Variants in DLGAP2 observed in about 807,000 individuals in gnomAD.
DLGAP2 encodes the protein DLG associated protein 2.
A neutral mutation model predicts 100.3 loss-of-function variants in DLGAP2; 26 were observed. That is an observed-to-expected ratio of 0.26 (90% CI 0.19 to 0.36). DLGAP2 has a LOEUF of 0.36. Ranked by LOEUF, DLGAP2 falls within the 10% of genes least tolerant of loss-of-function variation. The probability of loss-of-function intolerance (pLI) is 1.00; values close to 1 mark genes in which losing one functional copy is unlikely to be tolerated. For synonymous variants in DLGAP2, 886 were observed against 630.1 expected (o/e 1.41, Z -6.08); for missense variants, 1,858 against 1,453.2 (o/e 1.28, Z -4.53).
chr8:1,562,378 G>T lies in DLGAP2; in HGVS notation c.1231-3305G>T, dbSNP rs191340243. ...GGGTGTCCGCGCCTCGTTGCTGGGG[G>T]ACTGTGTGGTGTTCGGGTGTCCGCG... On this transcript the variant is annotated intron_variant, in intron 5 of 14. Coordinates refer to ENST00000637795, the MANE Select transcript of DLGAP2 (RefSeq NM_001346810.2). 2.5e-3 allele frequency among the ~76,000 whole-genome samples: 164 copies of T among 64,892 alleles called. 5 individuals carry two copies. The highest frequency in any genetic ancestry group is 0.01 in the African/African-American group (154 of 15,162). 42.6% of individuals were successfully genotyped at this position (64,892 alleles called of 152,430 possible).
intron 3 of DLGAP2, among the ~76,000 whole-genome samples, chr8:1,414,471 AC>A (rs1796822653): frequency 6.6e-6 from 1 of 152,212 alleles, no homozygotes; most frequent in South Asian, 2.1e-4. Context: ...TGAGGGACTG[AC>A]CAGGCCGGGG....
At chr8:1,206,671 G>C (rs1798001650) in intron 2 of DLGAP2, among the ~76,000 whole-genome samples, 1 of 152,230 alleles carries the variant, frequency 6.6e-6, no homozygotes, top group Admixed American at 6.5e-5. Flanking sequence ...GGTAGACTGT[G>C]AGTGATTAAT....
At chr8:972,608 AT>A (rs1554456162) in intron 2 of DLGAP2, among the ~76,000 whole-genome samples, 2 of 149,214 alleles carry the variant, frequency 1.3e-5, no homozygotes, top group African/African-American at 2.5e-5. Context: ...TTTTTTTTGT[AT>A]TTTTTTCTTA....
At chr8:931,474 C>G (rs1019642923) in intron 2 of DLGAP2, among the ~76,000 whole-genome samples, 1 of 152,230 alleles carries the variant, frequency 6.6e-6, no homozygotes, top group Admixed American at 6.5e-5. Context: ...ACCCTGGGAT[C>G]TGGGATTCCT....
chr8:1,071,494 G>T (rs191761262), intron 2 of DLGAP2, among the ~76,000 whole-genome samples: 45 of 152,238 alleles, frequency 3.0e-4, no homozygotes, highest in Admixed American at 1.2e-3. Flanking sequence ...TTGCTCCTGG[G>T]CGTCCCGGTG....
intron 2 of DLGAP2, among the ~76,000 whole-genome samples, chr8:1,075,055 G>T (rs1203614940): frequency 6.6e-6 from 1 of 152,112 alleles, no homozygotes; most frequent in Non-Finnish European, 1.5e-5. Context: ...ACAGTGCAGC[G>T]GGGGGTGGGG....
intron 1 of DLGAP2, among the ~76,000 whole-genome samples, chr8:834,259 C>T (rs1167450707): frequency 1.3e-5 from 2 of 152,218 alleles, no homozygotes; most frequent in African/African-American, 2.4e-5. Flanking sequence ...CGCCCCTGCC[C>T]CTCACGTGGG....
chr8:1,446,895 C>T (rs1426707076), intron 3 of DLGAP2, among the ~76,000 whole-genome samples: 31 of 152,098 alleles, frequency 2.0e-4, no homozygotes, highest in East Asian at 1.4e-3. Context: ...TCTCTGTTTG[C>T]CTGTTATTGG....
chr8:1,386,048 A>C (rs1244767846), intron 3 of DLGAP2, among the ~76,000 whole-genome samples: 1 of 152,264 alleles, frequency 6.6e-6, no homozygotes, highest in African/African-American at 2.4e-5. Flanking sequence ...AATATGGTTT[A>C]ATCTCCACGG....
At chr8:949,647 C>G (rs1799425592) in intron 2 of DLGAP2, among the ~76,000 whole-genome samples, 1 of 152,220 alleles carries the variant, frequency 6.6e-6, no homozygotes, top group Non-Finnish European at 1.5e-5. Context: ...CTTTTTCTGG[C>G]AGGTCCTCTT....
intron 6 of DLGAP2, among the ~76,000 whole-genome samples, chr8:1,600,658 T>C (rs773440807): frequency 6.6e-6 from 1 of 152,234 alleles, no homozygotes; most frequent in East Asian, 1.9e-4. Flanking sequence ...CTTCATTTGA[T>C]TGATTCAGCT....
intron 2 of DLGAP2, among the ~76,000 whole-genome samples, chr8:1,179,940 A>G (rs1797344382): frequency 6.6e-6 from 1 of 152,260 alleles, no homozygotes; most frequent in Non-Finnish European, 1.5e-5. Flanking sequence ...CCGTGCCTTT[A>G]GAAATAAAGA....
chr8:1,514,956 G>T (rs371560104), intron 4 of DLGAP2, among the ~76,000 whole-genome samples: 1 of 152,182 alleles, frequency 6.6e-6, no homozygotes, highest in Non-Finnish European at 1.5e-5. Flanking sequence ...CACGCAGGGA[G>T]ACCGACGTGC....
intron 3 of DLGAP2, among the ~76,000 whole-genome samples, chr8:1,465,407 A>G (rs1798597495): frequency 6.6e-6 from 1 of 150,628 alleles, no homozygotes; most frequent in South Asian, 2.1e-4. Context: ...GAGCAGAGGG[A>G]AGGGGACAGA....
intron 5 of DLGAP2, among the ~76,000 whole-genome samples, chr8:1,558,565 TAC>T (rs1306568341): frequency 1.0e-4 from 15 of 149,606 alleles, no homozygotes; most frequent in African/African-American, 3.2e-4. Flanking sequence ...ACATTACACA[TAC>T]ACACACATAC....
chr8:1,241,832 G>A (rs765405574), intron 2 of DLGAP2, among the ~76,000 whole-genome samples: 1 of 152,066 alleles, frequency 6.6e-6, no homozygotes, highest in Non-Finnish European at 1.5e-5. Context: ...TAAATCTTAT[G>A]AGTTAATTTT....
intron 2 of DLGAP2, among the ~76,000 whole-genome samples, chr8:1,106,602 A>G (rs1274677719): frequency 1.2e-3 from 113 of 90,878 alleles, no homozygotes; most frequent in Admixed American, 1.7e-3. Context: ...CTGCTGAAGG[A>G]AGCCATTCTA....
intron 3 of DLGAP2, among the ~76,000 whole-genome samples, chr8:1,313,063 T>C (rs1800649357): frequency 6.6e-6 from 1 of 152,230 alleles, no homozygotes; most frequent in South Asian, 2.1e-4. Flanking sequence ...CCACTGTCTG[T>C]GCTGACTGGT....
intron 1 of DLGAP2, among the ~76,000 whole-genome samples, chr8:760,380 G>A (rs1263710436): frequency 6.6e-6 from 1 of 152,024 alleles, no homozygotes; most frequent in Non-Finnish European, 1.5e-5. Context: ...TAGACCGATT[G>A]TTTCTGAAAT....
Sources: allele counts gnomAD v4.1 joint callset (sites outside exome capture counted in the v4.1 genomes callset), GRCh38; gene constraint gnomAD v4.1.1; transcripts MANE v1.5; gene names NCBI Gene and HGNC (gene_info 2026-07-23, HGNC 2026-07-21).